Variants in LRCH1 observed in about 807,000 individuals in gnomAD.
The protein encoded by LRCH1 is leucine-rich repeat and calponin homology domain-containing protein 1.
In LRCH1, 23 loss-of-function variants were observed where a neutral mutation model predicts 94.9. That is an observed-to-expected ratio of 0.24 (90% CI 0.17 to 0.34). The LOEUF (loss-of-function observed/expected upper bound fraction) is 0.34, where lower values mean the gene tolerates loss of function less well. LRCH1 is among the 10% of genes least tolerant of loss of function. The pLI, the probability that LRCH1 is intolerant of heterozygous loss-of-function variation, is 1.00. For missense variants in LRCH1, 790 were observed against 945.9 expected, an observed-to-expected ratio of 0.84 and a Z score of 2.16; for synonymous variants, 364 against 354.9, an observed-to-expected ratio of 1.03 and a Z score of -0.29.
At position 46,721,693 on chromosome 13, in the gene LRCH1, T is replaced by G. The variant is rs76035397; in HGVS notation, c.1760-1528T>G. Reference sequence around the variant, plus strand: ...TCCTGTGACTGCCTTTGGTGTTCTTTGCCTGTGACTTCCCTCAGTGGCTTC... The same window carrying G: ...TCCTGTGACTGCCTTTGGTGTTCTTGGCCTGTGACTTCCCTCAGTGGCTTC... On this transcript the variant is annotated intron_variant, in intron 16 of 19. Coordinates refer to ENST00000389797, the MANE Select transcript of LRCH1 (RefSeq NM_001164211.2). 2.8e-3 allele frequency among the ~76,000 whole-genome samples: 431 copies of G among 152,356 alleles called. 8 individuals carry two copies. Among genetic ancestry groups the G allele is most frequent in the Admixed American group, 0.023 (354 of 15,298 alleles).
intron 1 of LRCH1, among the ~76,000 whole-genome samples, chr13:46,558,795 G>A (rs1020326645): frequency 6.6e-6 from 1 of 152,008 alleles, no homozygotes. Context: ...GAAACAGAGA[G>A]GGCATTTAAG....
rs1364562885 is a variant in LRCH1 at position 46,744,834 on chromosome 13, G to T, written c.*2986G>T. On this transcript the variant is annotated 3_prime_UTR_variant, in exon 20 of 20. Coordinates refer to ENST00000389797, the MANE Select transcript of LRCH1 (RefSeq NM_001164211.2). Reference sequence around the variant, plus strand: ...AATATGATTTTATTTCAGGAGACTTGATTTTTAAAAATTAGGCTTCGTATT... The same window carrying T: ...AATATGATTTTATTTCAGGAGACTTTATTTTTAAAAATTAGGCTTCGTATT... 1.0e-6 allele frequency: 1 copy of T among 983,508 alleles called. No homozygotes were observed. The highest frequency in any genetic ancestry group is 1.8e-5 in the African/African-American group (1 of 57,132). 60.9% of individuals were successfully genotyped at this position (983,508 alleles called of 1,614,324 possible). A position where few individuals can be genotyped will look rare whatever the true frequency, so the allele number is the denominator to read the frequency against.
chr13:46,606,684 G>A (rs778265030), intron 1 of LRCH1, among the ~76,000 whole-genome samples: 10 of 152,052 alleles, frequency 6.6e-5, no homozygotes, highest in Admixed American at 1.3e-4. Context: ...CTATTCTCCC[G>A]CCTCAGCCTC....
At position 46,701,195 on chromosome 13, in the gene LRCH1, A is replaced by G; in HGVS notation, c.1388A>G (p.Gln463Arg). 6.2e-7 allele frequency: 1 copy of G among 1,612,602 alleles called. No homozygotes were observed. Among genetic ancestry groups the G allele is most frequent in the Non-Finnish European group, 8.5e-7 (1 of 1,178,586 alleles). Residue 463 changes from glutamine (Q) to arginine (R), a missense_variant, in exon 11 of 20, where the codon CAA becomes CGA. Coordinates refer to ENST00000389797, the MANE Select transcript of LRCH1 (RefSeq NM_001164211.2). The part of the protein sequence containing the change: ...EQLREAVDLL[Q>R]DPNGLSTDIT... The stretch of plus-strand genomic sequence containing the variant: ...CTGAGAGAAGCAGTAGATTTGCTGC[A>G]AGATCCCAATGGGTGTGTATGTCTC...
At chr13:46,702,687 AAG>A (rs1367618256) in intron 11 of LRCH1, among the ~76,000 whole-genome samples, 2 of 152,150 alleles carry the variant, frequency 1.3e-5, no homozygotes, top group Non-Finnish European at 1.5e-5. Flanking sequence ...TTTCAAGAAA[AAG>A]AGAAATTCTG....
At chr13:46,579,971 C>T (rs963638814) in intron 1 of LRCH1, among the ~76,000 whole-genome samples, 1 of 152,132 alleles carries the variant, frequency 6.6e-6, no homozygotes, top group African/African-American at 2.4e-5. Flanking sequence ...CCTGAAAAAG[C>T]CAGGTTTAGA....
At chr13:46,602,970 A>ACATG (rs10655429) in intron 1 of LRCH1, among the ~76,000 whole-genome samples, 91 of 136,142 alleles carry the variant, frequency 6.7e-4, no homozygotes, top group African/African-American at 2.3e-3. Flanking sequence ...ATGCATACAT[A>ACATG]CATGCATGCA....
intron 1 of LRCH1, among the ~76,000 whole-genome samples, chr13:46,578,537 T>C (rs2050328800): frequency 6.6e-6 from 1 of 152,232 alleles, no homozygotes; most frequent in African/African-American, 2.4e-5. Flanking sequence ...AGTGCCTTGC[T>C]GGATGGTAAG....
At chr13:46,699,179 G>T (rs1018017264) in intron 9 of LRCH1, among the ~76,000 whole-genome samples, 157 bp from the exon 10 acceptor site, 5 of 152,244 alleles carry the variant, frequency 3.3e-5, no homozygotes, top group Non-Finnish European at 7.3e-5. Context: ...GTACATACCA[G>T]ATTTGTTTAT....
exon 19 of LRCH1, chr13:46,750,668 T>C (rs966777294): frequency 1.3e-6 from 2 of 1,498,296 alleles, no homozygotes; most frequent in Admixed American, 3.9e-5. Context: ...CCTTCTCCAT[T>C]GGGGGCTCAG....
At chr13:46,604,333 C>T (rs905044418) in intron 1 of LRCH1, among the ~76,000 whole-genome samples, 3 of 152,096 alleles carry the variant, frequency 2.0e-5, no homozygotes, top group Non-Finnish European at 4.4e-5. Context: ...CCTCAGGTGT[C>T]TTCTTGTGGG....
intron 1 of LRCH1, among the ~76,000 whole-genome samples, chr13:46,621,515 T>A (rs1445053092): frequency 2.2e-4 from 33 of 152,192 alleles, no homozygotes; most frequent in Admixed American, 2.0e-3. Context: ...TCTTAATGGG[T>A]TAATTGCAGT....
At chr13:46,634,445 C>T (rs1048917713) in intron 1 of LRCH1, among the ~76,000 whole-genome samples, 2 of 152,206 alleles carry the variant, frequency 1.3e-5, no homozygotes, top group Middle Eastern at 3.2e-3. Context: ...GCCATCAATC[C>T]CATGTGCCTC....
chr13:46,615,781 C>G (rs1157567551), intron 1 of LRCH1, among the ~76,000 whole-genome samples: 1 of 152,066 alleles, frequency 6.6e-6, no homozygotes, highest in Non-Finnish European at 1.5e-5. Flanking sequence ...ACAGACGTGC[C>G]CAGCTATGAT....
At chr13:46,567,492 TTGTGTGTGTGTGTGTGTG>T (rs35848521) in intron 1 of LRCH1, among the ~76,000 whole-genome samples, 1 of 141,866 alleles carries the variant, frequency 7.0e-6, no homozygotes, top group Admixed American at 7.0e-5. Context: ...TAAGGCAATT[TTGTGTGTGTGTGTGTGTG>T]TGTGTGTGTG....
At chr13:46,736,746 A>G (rs1873405536) in intron 19 of LRCH1, among the ~76,000 whole-genome samples, 1 of 152,004 alleles carries the variant, frequency 6.6e-6, no homozygotes, top group Admixed American at 6.6e-5. Flanking sequence ...CTCCATCTAT[A>G]ACTTATCTAC....
chr13:46,560,008 G>T (rs1029719320), intron 1 of LRCH1, among the ~76,000 whole-genome samples: 2 of 152,054 alleles, frequency 1.3e-5, no homozygotes, highest in African/African-American at 4.8e-5. Flanking sequence ...TAATTCAGAA[G>T]TCAAACTTGT....
chr13:46,582,778 G>A (rs938015893), intron 1 of LRCH1, among the ~76,000 whole-genome samples: 3 of 149,858 alleles, frequency 2.0e-5, no homozygotes, highest in Non-Finnish European at 4.4e-5. Flanking sequence ...TGGGATTATA[G>A]GTATTCGCCG....
chr13:46,694,864 C>G (rs767696496), intron 8 of LRCH1, 29 bp from the exon 9 acceptor site: 2 of 1,612,552 alleles, frequency 1.2e-6, no homozygotes, highest in Non-Finnish European at 1.7e-6. Flanking sequence ...TGAAATCATG[C>G]TTTCCATCTC....
Sources: gnomAD v4.1 joint callset for allele counts (sites outside exome capture counted in the v4.1 genomes callset) on GRCh38, gnomAD v4.1.1 for gene constraint, MANE v1.5 for transcripts, NCBI Gene and HGNC (gene_info 2026-07-23, HGNC 2026-07-21) for gene names.